MAST1: variants seen among roughly 807,000 people sequenced by gnomAD.
MAST1 encodes the protein microtubule associated serine/threonine kinase 1.
Under a neutral mutation model 124.6 loss-of-function variants are expected in MAST1, and 40 were observed. The ratio of observed to expected loss-of-function variants is 0.32; its 90% confidence interval spans 0.25 to 0.42. MAST1 has a LOEUF of 0.42. Among genes scored for constraint, MAST1 ranks in the 10% least tolerant of loss-of-function variants. MAST1 has a pLI of 1.00. For missense variants in MAST1, 1,558 were observed against 2,181.9 expected, an observed-to-expected ratio of 0.71 and a Z score of 5.70; for synonymous variants, 938 against 939.4, an observed-to-expected ratio of 1.00 and a Z score of 0.03.
chr19:12,847,979 G>A lies in MAST1; in HGVS notation c.696G>A (p.Leu232=). 1 of 1,614,122 alleles carries A rather than the reference G, an allele frequency of 6.2e-7. No individual in the cohort carries two copies. The highest frequency in any genetic ancestry group is 8.5e-7 in the Non-Finnish European group (1 of 1,179,986). The change falls in exon 7 of 26, where the codon CTG becomes CTA. Residue 232 remains leucine, a synonymous_variant. Transcript: ENST00000251472. This position sits in a 1 kb window ranked among gnomAD's most constrained non-coding sequence, Gnocchi z 5.5. ...TCATCGAGCTGGCCCGGGACTGCCT[G>A]ACCAAGTCCCGTGACGGCCTCATCA... The part of the protein sequence containing the change: ...HQIIELARDC[L]TKSRDGLITT...
At chr19:12,862,366 A>G (rs561310668) in intron 12 of MAST1, among the ~76,000 whole-genome samples, 8 of 152,146 alleles carry the variant, frequency 5.3e-5, no homozygotes, top group Admixed American at 3.9e-4. Flanking sequence ...ATCACAGCTT[A>G]CTGCAGCCTT....
chr19:12,849,789 T>C (rs948902250), intron 7 of MAST1, among the ~76,000 whole-genome samples: 7 of 152,002 alleles, frequency 4.6e-5, no homozygotes, highest in Admixed American at 4.6e-4. Flanking sequence ...CCAATATTTA[T>C]TTATTTATTT....
At position 12,841,709 on chromosome 19, in the gene MAST1, T is replaced by C. The variant is rs1191086480; in HGVS notation, c.248+643T>C. ...CTGCTATGTTCTTAGGAGCTGGGCG[T>C]ATGGGGTCAATGACGTCCTGTCTCT... On this transcript the variant is annotated intron_variant, in intron 3 of 25. Coordinates refer to ENST00000251472, the MANE Select transcript of MAST1 (RefSeq NM_014975.3). The surrounding 1 kb of genome is among the most constrained non-coding windows in gnomAD (Gnocchi z 4.3). Among the ~76,000 whole-genome samples the C allele has an allele frequency of 6.6e-6, 1 of 152,148 alleles. No homozygotes were observed. Among genetic ancestry groups the C allele is most frequent in the Non-Finnish European group, 1.5e-5 (1 of 68,024 alleles).
rs1421279242 is a variant in MAST1 at position 12,866,331 on chromosome 19, T to C, written c.2029+229T>C. Among the ~76,000 whole-genome samples the C allele has an allele frequency of 6.6e-6, 1 of 151,986 alleles. No homozygotes were observed. The highest frequency in any genetic ancestry group is 1.5e-5 in the Non-Finnish European group (1 of 67,976). On this transcript the variant is annotated intron_variant, in intron 17 of 25. Coordinates refer to ENST00000251472, the MANE Select transcript of MAST1 (RefSeq NM_014975.3). The surrounding 1 kb of genome is among the most constrained non-coding windows in gnomAD (Gnocchi z 5.2). ...CTGAGATTGGGCTAGGTGTGGGGCC[T>C]GGCCTGGGTGAGTTGTGAGTGTGGG... is the stretch of plus-strand genomic sequence containing the variant.
rs779740407 is a variant in MAST1 at position 12,867,962 on chromosome 19, G to T, written c.2551G>T (p.Gly851Trp). Residue 851 changes from glycine (G) to tryptophan (W), a missense_variant, in exon 20 of 26, where the codon GGG (glycine) becomes TGG (tryptophan). Physicochemically the swap from Gly to Trp is radical, Grantham distance 184. Coordinates refer to ENST00000251472, the MANE Select transcript of MAST1 (RefSeq NM_014975.3). ...ETQGEGTSSA[G>W]DSEATDRPRP... ...TCAAGGGGAAGGCACCTCCAGCGCC[G>T]GGGACTCCGAGGCCAGTGAGTGCCC... 3 of 1,553,762 alleles carry T rather than the reference G, an allele frequency of 1.9e-6. No individual in the cohort carries two copies. The highest frequency in any genetic ancestry group is 2.6e-6 in the Non-Finnish European group (3 of 1,152,890).
Position 12,866,592 on chromosome 19 carries a change from TG to T in MAST1, c.2030-57del, listed in dbSNP as rs1970157144. On this transcript the variant is annotated intron_variant, in intron 17 of 25. Coordinates refer to ENST00000251472, the MANE Select transcript of MAST1 (RefSeq NM_014975.3). This position sits in a 1 kb window ranked among gnomAD's most constrained non-coding sequence, Gnocchi z 5.2. The stretch of plus-strand genomic sequence containing the variant: ...GTCTTGAACCAGGACTGGGCTCCTG[TG>T]GGGATGTGATATGAGGAGGAACCCC... 6.3e-6 allele frequency: 7 copies of T among 1,104,310 alleles called. No individual in the cohort carries two copies. The South Asian group carries it at 9.2e-5, about 15-fold the overall frequency. 68.4% of individuals were successfully genotyped at this position (1,104,310 alleles called of 1,614,324 possible). A position where few individuals can be genotyped will look rare whatever the true frequency, so the allele number is the denominator to read the frequency against.
At chr19:12,857,678 C>G (rs1970032449) in intron 10 of MAST1, among the ~76,000 whole-genome samples, 1 of 152,176 alleles carries the variant, frequency 6.6e-6, no homozygotes, top group African/African-American at 2.4e-5. Context: ...TTCCAAAGTG[C>G]TGTGATTACA....
At position 12,874,443 on chromosome 19, in the gene MAST1, C is replaced by T. The variant is rs756630425; in HGVS notation, c.4286C>T (p.Ala1429Val). The change falls in exon 26 of 26, where the codon GCG (alanine) becomes GTG (valine). Residue 1429 changes from alanine (A) to valine (V), a missense_variant. Coordinates refer to ENST00000251472, the MANE Select transcript of MAST1 (RefSeq NM_014975.3). The surrounding 1 kb of genome is among the most constrained non-coding windows in gnomAD (Gnocchi z 6.6). ...GGCCGGCGCAGCAGCTCTGGCGAGG[C>T]GGGCACACCCCTGGTACCCATTGTC... ...ETGRRSSSGE[A>V]GTPLVPIVVE... The T allele has an allele frequency of 1.3e-6, 2 of 1,596,832 alleles. No homozygotes were observed. The highest frequency in any genetic ancestry group is 1.7e-6 in the Non-Finnish European group (2 of 1,178,282).
chr19:12,851,854 T>G, intron 7 of MAST1, 80 bp from the exon 8 acceptor site: 1 of 1,027,116 alleles, frequency 9.7e-7, no homozygotes, highest in Non-Finnish European at 1.5e-6. Context: ...AGCAGCAGTA[T>G]GTACTCTGAG....
In MAST1 at chr19:12,847,742, C is replaced by G. The variant is rs1262325498; in HGVS notation, c.564+55C>G. 3.1e-6 allele frequency: 5 copies of G among 1,594,562 alleles called. No individual in the cohort carries two copies. The highest frequency in any genetic ancestry group is 4.3e-6 in the Non-Finnish European group (5 of 1,167,990). ...TGACCAGGCGGCCTGCACTCTCGCT[C>G]GCCTTATCCCCGCGCGCCCCCTGGC... On this transcript the variant is annotated intron_variant, in intron 6 of 25. Transcript: ENST00000251472. The surrounding 1 kb of genome is among the most constrained non-coding windows in gnomAD (Gnocchi z 5.5).
chr19:12,874,746 C>G lies in MAST1; in HGVS notation c.4589C>G (p.Ala1530Gly), dbSNP rs1568417101. 6.2e-7 allele frequency: 1 copy of G among 1,603,116 alleles called. No individual in the cohort carries two copies. The highest frequency in any genetic ancestry group is 8.5e-7 in the Non-Finnish European group (1 of 1,171,746). ...AGTGCAGTGACCCCAGTCCCACCCG[C>G]ATCCCTCTTGGGCTCAGGCACCAAG... The part of the protein sequence containing the change: ...PSSAVTPVPP[A>G]SLLGSGTKPQ... Residue 1530 changes from alanine (A) to glycine (G), a missense_variant, in exon 26 of 26, where the codon GCA becomes GGA. This residue lies in a region of MAST1 where 168 missense variants were observed against 154.3 expected (regional missense o/e 1.09). Coordinates refer to ENST00000251472, the MANE Select transcript of MAST1 (RefSeq NM_014975.3). This position sits in a 1 kb window ranked among gnomAD's most constrained non-coding sequence, Gnocchi z 6.6.
chr19:12,873,216 G>C lies in MAST1; in HGVS notation c.3264-108G>C, dbSNP rs1016229138. The C allele has an allele frequency of 3.8e-6, 4 of 1,051,936 alleles. No individual in the cohort carries two copies. The African/African-American group carries it at 6.3e-5, about 17-fold the overall frequency. The allele number at this position is 1,051,936 out of a possible 1,614,324, so 65.2% of individuals were successfully genotyped here. ...GATAGGTGGGTTGTAGCTGGAGAGGGAAGGGCCAGAAGGGGTGGGTGGTTA... is the reference window on the plus strand; with the variant it reads ...GATAGGTGGGTTGTAGCTGGAGAGGCAAGGGCCAGAAGGGGTGGGTGGTTA... On this transcript the variant is annotated intron_variant, in intron 24 of 25. Coordinates refer to ENST00000251472, the MANE Select transcript of MAST1 (RefSeq NM_014975.3).
Position 12,867,531 on chromosome 19 carries a change from G to T in MAST1, c.2197G>T (p.Ala733Ser), listed in dbSNP as rs1445959541. Residue 733 changes from alanine (A) to serine (S), a missense_variant, in exon 19 of 26, where the codon GCA becomes TCA. Ala to Ser is a moderately conservative substitution (Grantham distance 99). Around this residue, in one of 10 missense-constraint regions of MAST1, gnomAD observed 287 missense variants for 308.0 expected, o/e 0.93. Transcript: ENST00000251472. ...CGAGCCCAAGACCCCAGTAGCAGCT[G>T]CAGGGAGCAGCAAGCGGGAGCCGAG... ...QHEPKTPVAA[A>S]GSSKREPSTK... 1.2e-6 allele frequency: 2 copies of T among 1,613,720 alleles called. No individual in the cohort carries two copies. The highest frequency in any genetic ancestry group is 2.7e-5 in the African/African-American group (2 of 74,930).
chr19:12,838,721 C>A lies in MAST1; in HGVS notation c.83+66C>A. 1 of 1,485,064 alleles carries A rather than the reference C, an allele frequency of 6.7e-7. No individual in the cohort carries two copies. Among genetic ancestry groups the A allele is most frequent in the Non-Finnish European group, 9.3e-7 (1 of 1,079,238 alleles). 92.0% of individuals were successfully genotyped at this position (1,485,064 alleles called of 1,614,324 possible). A position where few individuals can be genotyped will look rare whatever the true frequency, so the allele number is the denominator to read the frequency against. On this transcript the variant is annotated intron_variant, in intron 1 of 25. Transcript: ENST00000251472. This position sits in a 1 kb window ranked among gnomAD's most constrained non-coding sequence, Gnocchi z 4.3. ...GCAAAAGCCGCCGCTCCGGGTACTGCTGCAGGGCGGGGCCCGGGATGCTGC... is the reference window on the plus strand; with the variant it reads ...GCAAAAGCCGCCGCTCCGGGTACTGATGCAGGGCGGGGCCCGGGATGCTGC...
chr19:12,858,451 C>A lies in MAST1; in HGVS notation c.1157+10C>A, dbSNP rs1401573000. The A allele has an allele frequency of 4.3e-6, 7 of 1,613,358 alleles. No homozygotes were observed. Among genetic ancestry groups the A allele is most frequent in the Non-Finnish European group, 5.9e-6 (7 of 1,179,448 alleles). On this transcript the variant is annotated intron_variant, in intron 11 of 25. Coordinates refer to ENST00000251472, the MANE Select transcript of MAST1 (RefSeq NM_014975.3). ...GCAACGGTGCCTACGGGTGAGCCAC[C>A]CGGGGCTCTGGCGGGGGGAGGGTGG...
At position 12,873,668 on chromosome 19, in the gene MAST1, G is replaced by T; in HGVS notation, c.3511G>T (p.Ala1171Ser). ...SSTPNSPASS[A>S]SHHIRPSTLH... Reference sequence around the variant, plus strand: ...CACGCCCAACTCGCCTGCGTCGTCGGCGTCGCACCACATTCGGCCCAGCAC... The same window carrying T: ...CACGCCCAACTCGCCTGCGTCGTCGTCGTCGCACCACATTCGGCCCAGCAC... The change falls in exon 26 of 26, where the codon GCG becomes TCG. Residue 1171 changes from alanine to serine, a missense_variant. Coordinates refer to ENST00000251472, the MANE Select transcript of MAST1 (RefSeq NM_014975.3). 6.3e-7 allele frequency: 1 copy of T among 1,598,422 alleles called. No homozygotes were observed.
rs1970298219 is a variant in MAST1 at position 12,874,903 on chromosome 19, C to T, written c.*33C>T. ...GGTCATCGGCCCCGCGCTGTACAGC[C>T]TCCGTATACATATGTACACATATAA... On this transcript the variant is annotated 3_prime_UTR_variant, in exon 26 of 26. Coordinates refer to ENST00000251472, the MANE Select transcript of MAST1 (RefSeq NM_014975.3). The surrounding 1 kb of genome is among the most constrained non-coding windows in gnomAD (Gnocchi z 6.6). 8 of 1,565,300 alleles carry T rather than the reference C, an allele frequency of 5.1e-6. No individual in the cohort carries two copies. Among genetic ancestry groups the T allele is most frequent in the Non-Finnish European group, 6.9e-6 (8 of 1,160,140 alleles).
At chr19:12,840,774 C>G (rs906646020) in intron 2 of MAST1, among the ~76,000 whole-genome samples, 8 of 151,434 alleles carry the variant, frequency 5.3e-5, no homozygotes, top group African/African-American at 1.9e-4. Flanking sequence ...GGAGTCGTAC[C>G]TGAGGGGCGG....
At position 12,865,609 on chromosome 19, in the gene MAST1, GTGA is replaced by G; in HGVS notation, c.1805-107_1805-105del. 12 of 1,448,734 alleles carry G rather than the reference GTGA, an allele frequency of 8.3e-6. No homozygotes were observed. Among genetic ancestry groups the G allele is most frequent in the Non-Finnish European group, 1.1e-5 (12 of 1,057,982 alleles). The allele number at this position is 1,448,734 out of a possible 1,614,324, so 89.7% of individuals were successfully genotyped here. On this transcript the variant is annotated intron_variant, in intron 15 of 25. Coordinates refer to ENST00000251472, the MANE Select transcript of MAST1 (RefSeq NM_014975.3). The surrounding 1 kb of genome is among the most constrained non-coding windows in gnomAD (Gnocchi z 7.1). ...TTGCACTCAGGAGGTCAAGGCTGCA[GTGA>G]GCCATGATCGTGCCACTGCACTCCA... is the stretch of plus-strand genomic sequence containing the variant.
Sources: allele counts gnomAD v4.1 joint callset (sites outside exome capture counted in the v4.1 genomes callset), GRCh38; gene constraint gnomAD v4.1.1; regional missense constraint gnomAD v4.1.1; non-coding constraint Gnocchi (gnomAD v3.1); transcripts MANE v1.5; gene names NCBI Gene and HGNC (gene_info 2026-07-23, HGNC 2026-07-21).